ALG12: variants seen among roughly 807,000 people sequenced by gnomAD.
ALG12 encodes dol-P-Man:Man(7)GlcNAc(2)-PP-Dol alpha-1,6-mannosyltransferase.
Under a neutral mutation model 46.0 loss-of-function variants are expected in ALG12, and 36 were observed. That is an observed-to-expected ratio of 0.78 (90% CI 0.60 to 1.03). The LOEUF (loss-of-function observed/expected upper bound fraction) is 1.03, where lower values mean the gene tolerates loss of function less well. Ranked by LOEUF, ALG12 falls within the 50% of genes least tolerant of loss-of-function variation. The pLI, the probability that ALG12 is intolerant of heterozygous loss-of-function variation, is 0.00. For missense variants in ALG12, 599 were observed against 633.5 expected, an observed-to-expected ratio of 0.95 and a Z score of 0.58; for synonymous variants, 326 against 291.6, an observed-to-expected ratio of 1.12 and a Z score of -1.20.
At chr22:49,880,944 A>T in the ALG12 span, among the ~76,000 whole-genome samples, 581 of 152,248 alleles carry the variant, frequency 3.8e-3, 4 homozygotes, top group African/African-American at 0.01. Context: ...TCTTTTTAAG[A>T]CCTGTATACT....
chr22:49,883,967 T>G, the ALG12 span: 1 of 1,613,650 alleles, frequency 6.2e-7, no homozygotes, highest in Non-Finnish European at 8.5e-7. Flanking sequence ...ATGGAGGCCG[T>G]GACCCAGAGC....
chr22:49,867,326 T>A, the ALG12 span, among the ~76,000 whole-genome samples: 41 of 152,226 alleles, frequency 2.7e-4, no homozygotes, highest in Admixed American at 6.5e-4. Flanking sequence ...GTCTATACTG[T>A]GGGAGGTTCC....
At chr22:49,859,373 T>A in the ALG12 span, among the ~76,000 whole-genome samples, 1 of 152,172 alleles carries the variant, frequency 6.6e-6, no homozygotes, top group Non-Finnish European at 1.5e-5. Flanking sequence ...TAAAGCCTTT[T>A]GTTTTGTGAT....
chr22:49,913,077 G>C (rs1352781298), intron 3 of ALG12, among the ~76,000 whole-genome samples: 1 of 152,260 alleles, frequency 6.6e-6, no homozygotes, highest in Non-Finnish European at 1.5e-5. Context: ...TGACCCCATG[G>C]GGGCTTGCCA....
rs754136120 is a variant in ALG12 at position 49,904,252 on chromosome 22, C to T, written c.1165G>A (p.Val389Ile). The T allele has an allele frequency of 1.4e-5, 23 of 1,613,952 alleles. No individual in the cohort carries two copies. Among genetic ancestry groups the T allele is most frequent in the Non-Finnish European group, 1.7e-5 (20 of 1,179,968 alleles). ...GCTGCCACGTCAATGTGCAGAAGGA[C>T]GTCTAGGAAAACCAGGCCTGCCGTC... ...LHQLVPPQTD[V>I]LLHIDVAAAQ... Residue 389 changes from valine (V) to isoleucine (I), a missense_variant and splice_region_variant, in exon 9 of 10, where the codon GTC (valine) becomes ATC (isoleucine). By Grantham distance (29) the Val-to-Ile change is conservative. Coordinates refer to ENST00000330817, the MANE Select transcript of ALG12 (RefSeq NM_024105.4).
At chr22:49,892,449 C>G in the ALG12 span, among the ~76,000 whole-genome samples, 1 of 152,204 alleles carries the variant, frequency 6.6e-6, no homozygotes, top group African/African-American at 2.4e-5. Flanking sequence ...TGCCAGGAGC[C>G]TCAGAGAAGT....
Position 49,902,084 on chromosome 22 carries a change from GGT to G in ALG12, c.*1752_*1753del, listed in dbSNP as rs1293312638. The G allele has an allele frequency of 7.1e-6, 1 of 140,190 alleles. No homozygotes were observed. The highest frequency in any genetic ancestry group is 1.5e-5 in the Non-Finnish European group (1 of 66,116). 8.7% of individuals were successfully genotyped at this position (140,190 alleles called of 1,614,324 possible). A position where few individuals can be genotyped will look rare whatever the true frequency, so the allele number is the denominator to read the frequency against. On this transcript the variant is annotated 3_prime_UTR_variant, in exon 10 of 10. Coordinates refer to ENST00000330817, the MANE Select transcript of ALG12 (RefSeq NM_024105.4). ...TGCACTGTGTGTGGTGTGCATGCAT[GGT>G]GTGTGCACGTGTGCACTGTGTATGC...
the ALG12 span, among the ~76,000 whole-genome samples, chr22:49,869,007 C>T: frequency 9.9e-5 from 15 of 150,938 alleles, no homozygotes; most frequent in East Asian, 2.5e-3. Context: ...GCCTGTAATC[C>T]GAGCTGCTTG....
rs2060571438 is a variant in ALG12 at position 49,910,619 on chromosome 22, C to T, written c.296-12G>A. On this transcript the variant is annotated splice_polypyrimidine_tract_variant and intron_variant, in intron 3 of 9. Coordinates refer to ENST00000330817, the MANE Select transcript of ALG12 (RefSeq NM_024105.4). ...AAGCACTCCTCTAACTAAACAAAGA[C>T]AGTGACAGCACCTGAGCCTGCAGTG... 1 of 1,614,054 alleles carries T rather than the reference C, an allele frequency of 6.2e-7. No individual in the cohort carries two copies. The highest frequency in any genetic ancestry group is 1.3e-5 in the African/African-American group (1 of 75,068).
the ALG12 span, among the ~76,000 whole-genome samples, chr22:49,873,462 C>T: frequency 2.6e-5 from 4 of 152,180 alleles, no homozygotes; most frequent in East Asian, 3.9e-4. Context: ...ACGTTAATTA[C>T]GATGGTAGCA....
At chr22:49,875,416 T>TTA in the ALG12 span, among the ~76,000 whole-genome samples, 6 of 76,806 alleles carry the variant, frequency 7.8e-5, no homozygotes, top group African/African-American at 1.7e-4. Context: ...ATAATTTATT[T>TTA]TCTTTTTTTT....
intron 3 of ALG12, among the ~76,000 whole-genome samples, chr22:49,912,825 C>T (rs1880224318): frequency 1.3e-5 from 2 of 152,030 alleles, no homozygotes; most frequent in Non-Finnish European, 2.9e-5. Context: ...TATGATTGCA[C>T]CACTGCACTT....
rs1420089711 is a variant in ALG12, at chr22:49,903,503, G to A, written c.*335C>T. On this transcript the variant is annotated 3_prime_UTR_variant, in exon 10 of 10. Coordinates refer to ENST00000330817, the MANE Select transcript of ALG12 (RefSeq NM_024105.4). ...GACACACGTGGCCTCCTGGCAGACA[G>A]GTGCCTGGGTGAGCCCGCTGCTCCT... The A allele has an allele frequency of 5.8e-6, 3 of 514,866 alleles. No individual in the cohort carries two copies. Among genetic ancestry groups the A allele is most frequent in the South Asian group, 3.1e-5 (2 of 65,062 alleles). 31.9% of individuals were successfully genotyped at this position (514,866 alleles called of 1,614,324 possible). A position where few individuals can be genotyped will look rare whatever the true frequency, so the allele number is the denominator to read the frequency against.
chr22:49,907,586 G>T, intron 7 of ALG12, 135 bp downstream of exon 7: 1 of 1,007,066 alleles, frequency 9.9e-7, no homozygotes, highest in South Asian at 1.4e-5. Flanking sequence ...GGTGCAGTAA[G>T]CCCCACTCCA....
rs1321625333 is a variant in ALG12, at chr22:49,906,251, C to T, written c.992+1470G>A. 1.3e-5 allele frequency among the ~76,000 whole-genome samples: 2 copies of T among 152,160 alleles called. No homozygotes were observed. The highest frequency in any genetic ancestry group is 1.9e-4 in the East Asian group (1 of 5,188). ...CTTCCCTGCTGGAAAAGCCTGTCAC[C>T]GAATACAATCCATCCGCGCCGCTCT... On this transcript the variant is annotated intron_variant, in intron 7 of 9. Transcript: ENST00000330817. This position sits in a 1 kb window ranked among gnomAD's most constrained non-coding sequence, Gnocchi z 4.4.
At chr22:49,886,587 G>T in the ALG12 span, 1 of 1,556,676 alleles carries the variant, frequency 6.4e-7, no homozygotes. The surrounding 1 kb of genome is among the most constrained non-coding windows in gnomAD (Gnocchi z 7.7). Flanking sequence ...TCGAGGAGAC[G>T]ATGGGCATCG....
the ALG12 span, among the ~76,000 whole-genome samples, chr22:49,882,118 G>A: frequency 6.6e-6 from 1 of 152,326 alleles, no homozygotes; most frequent in South Asian, 2.1e-4. Context: ...CATGGTGGAG[G>A]AATGTCGGGT....
chr22:49,907,747 G>A lies in ALG12; in HGVS notation c.966C>T (p.Ile322=), dbSNP rs573103699. 8.6e-5 allele frequency: 139 copies of A among 1,614,126 alleles called. 2 individuals are homozygous for A. The South Asian group carries it at 1.4e-3, about 17-fold the overall frequency. The part of the protein sequence containing the change: ...FIIYAFPMLN[I]TAARGCSYLL... ...GGTAGGAGCAGCCTCTGGCAGCCGTGATGTTGAGCATGGGGAAGGCATAGA... is the reference window on the plus strand; with the variant it reads ...GGTAGGAGCAGCCTCTGGCAGCCGTAATGTTGAGCATGGGGAAGGCATAGA... The change falls in exon 7 of 10, where the codon ATC becomes ATT. Residue 322 remains isoleucine (I), a synonymous_variant. Coordinates refer to ENST00000330817, the MANE Select transcript of ALG12 (RefSeq NM_024105.4).
chr22:49,865,090 C>T, the ALG12 span, among the ~76,000 whole-genome samples: 1 of 152,010 alleles, frequency 6.6e-6, no homozygotes, highest in Non-Finnish European at 1.5e-5. Context: ...ATGCGTTACT[C>T]AGCGATGTTG....
Sources: allele counts gnomAD v4.1 joint callset (sites outside exome capture counted in the v4.1 genomes callset), GRCh38; gene constraint gnomAD v4.1.1; non-coding constraint Gnocchi (gnomAD v3.1); transcripts MANE v1.5; gene names NCBI Gene and HGNC (gene_info 2026-07-23, HGNC 2026-07-21).